The following ANKRD44 variants were observed in gnomAD, a reference collection of about 807,000 sequenced individuals.
ANKRD44 encodes the protein ankyrin repeat domain 44, also known as serine/threonine-protein phosphatase 6 regulatory ankyrin repeat subunit B.
Under a neutral mutation model 116.0 loss-of-function variants are expected in ANKRD44, and 35 were observed. The ratio of observed to expected loss-of-function variants is 0.30; its 90% CI spans 0.23 to 0.40. The LOEUF is 0.40. Among genes scored for constraint, ANKRD44 ranks in the 10% least tolerant of loss-of-function variants. ANKRD44 has a pLI of 1.00. For missense variants in ANKRD44, 1,014 were observed against 1,242.6 expected, an observed-to-expected ratio of 0.82 and a Z score of 2.77; for synonymous variants, 435 against 461.8, an observed-to-expected ratio of 0.94 and a Z score of 0.74.
At chr2:197,301,440 C>T (rs977834369) in intron 1 of ANKRD44, 4 of 152,206 alleles carry the variant, frequency 2.6e-5, no homozygotes, top group African/African-American at 9.7e-5. Flanking sequence ...CTGAGAATTA[C>T]CTACGACTGA....
chr2:197,195,642 T>C (rs974843001), intron 1 of ANKRD44, among the ~76,000 whole-genome samples: 3 of 152,226 alleles, frequency 2.0e-5, no homozygotes, highest in Non-Finnish European at 4.4e-5. Flanking sequence ...GAAACACTAA[T>C]GTTTCCAGGT....
chr2:197,108,785 C>A (rs2078494899), intron 9 of ANKRD44, among the ~76,000 whole-genome samples: 1 of 152,080 alleles, frequency 6.6e-6, no homozygotes, highest in African/African-American at 2.4e-5. Context: ...TTGCAGTGAG[C>A]TGAGATCACC....
At chr2:197,222,769 C>A (rs1404283179) in intron 1 of ANKRD44, among the ~76,000 whole-genome samples, 3 of 152,034 alleles carry the variant, frequency 2.0e-5, no homozygotes, top group African/African-American at 7.2e-5. Flanking sequence ...AAAACTACAA[C>A]AGAGTTTCAA....
intron 16 of ANKRD44, among the ~76,000 whole-genome samples, chr2:197,070,313 T>TA (rs2077532398): frequency 6.6e-6 from 1 of 152,206 alleles, no homozygotes; most frequent in African/African-American, 2.4e-5. Flanking sequence ...ATCCTTGACT[T>TA]AGTCTTTTAC....
At chr2:197,216,049 C>T (rs1428155564) in intron 1 of ANKRD44, among the ~76,000 whole-genome samples, 3 of 152,190 alleles carry the variant, frequency 2.0e-5, no homozygotes, top group Non-Finnish European at 4.4e-5. Flanking sequence ...AGGACTTGCT[C>T]TGCCCCTTGC....
intron 16 of ANKRD44, among the ~76,000 whole-genome samples, chr2:197,055,361 G>T (rs79584735): frequency 6.6e-6 from 1 of 152,016 alleles, no homozygotes; most frequent in African/African-American, 2.4e-5. Context: ...CTGGATACAA[G>T]ACCTTTTTCA....
chr2:197,182,882 G>A (rs2080545654), intron 2 of ANKRD44, among the ~76,000 whole-genome samples: 1 of 152,232 alleles, frequency 6.6e-6, no homozygotes, highest in South Asian at 2.1e-4. Flanking sequence ...GATTAATGCA[G>A]TACAAAGAGC....
chr2:197,258,674 C>T (rs2082519062), intron 1 of ANKRD44, among the ~76,000 whole-genome samples: 1 of 152,160 alleles, frequency 6.6e-6, no homozygotes, highest in South Asian at 2.1e-4. Flanking sequence ...CACGGTTTTT[C>T]ATGGCAGCTG....
chr2:197,292,479 T>C (rs1348311965), intron 1 of ANKRD44, among the ~76,000 whole-genome samples: 1 of 152,228 alleles, frequency 6.6e-6, no homozygotes, highest in Non-Finnish European at 1.5e-5. Context: ...CAAATCACAA[T>C]AGTGTTTAAA....
intron 1 of ANKRD44, among the ~76,000 whole-genome samples, chr2:197,270,420 C>T (rs2564391): frequency 0.76 from 114,879 of 151,950 alleles, 43,618 homozygotes; most frequent in East Asian, 0.87. Context: ...CCCACAGTTT[C>T]CAGCTTGAAC....
chr2:197,040,018 G>A (rs965608100), intron 16 of ANKRD44, among the ~76,000 whole-genome samples: 2 of 151,840 alleles, frequency 1.3e-5, no homozygotes, highest in African/African-American at 4.8e-5. Context: ...CACGAAGTCA[G>A]GAGTTTGAGG....
intron 17 of ANKRD44, chr2:197,015,432 T>C: frequency 3.8e-6 from 2 of 528,842 alleles, no homozygotes; most frequent in South Asian, 2.0e-5. Context: ...TTGATAAAAC[T>C]GTCATTCAGA....
At chr2:197,099,999 A>G in intron 9 of ANKRD44, 69 bp from the exon 10 acceptor site, 2 of 1,364,744 alleles carry the variant, frequency 1.5e-6, no homozygotes, top group South Asian at 1.2e-5. Context: ...GTTCTCTGCT[A>G]GTCTCTCGTA....
chr2:197,079,995 G>A lies in ANKRD44; in HGVS notation c.1539-1181C>T, dbSNP rs545454243. ...AGAGTCTTGCTATTATTCTCTCTTC[G>A]GTCATTTGCACCTTATAAGGAAGGA... On this transcript the variant is annotated intron_variant, in intron 15 of 27. Transcript: ENST00000282272. Among the ~76,000 whole-genome samples the A allele has an allele frequency of 5.4e-4, 82 of 151,854 alleles. 1 individual carries two copies. The highest frequency in any genetic ancestry group is 1.7e-3 in the African/African-American group (69 of 41,374).
chr2:197,279,857 A>G (rs535217097), intron 1 of ANKRD44, among the ~76,000 whole-genome samples: 100 of 151,968 alleles, frequency 6.6e-4, no homozygotes, highest in Non-Finnish European at 1.3e-3. Flanking sequence ...TTCCCACCCC[A>G]CCCAGTTGGA....
chr2:197,242,463 G>A (rs1156377106), intron 1 of ANKRD44, among the ~76,000 whole-genome samples: 2 of 152,142 alleles, frequency 1.3e-5, no homozygotes, highest in African/African-American at 4.8e-5. Flanking sequence ...AGAGACAGGA[G>A]GAGCCAGACA....
rs766053535 is a variant in ANKRD44, at chr2:196,971,799, TC to T, written c.2369-4354del. ...CCTGGCCCTCCTCCAGTTCAGGCTC[TC>T]CCCATGGGGCAAGGAGTCTGTGAGC... On this transcript the variant is annotated intron_variant, in intron 21 of 21. Transcript: ENST00000424317. Among the ~76,000 whole-genome samples the T allele has an allele frequency of 9.2e-5, 14 of 152,278 alleles. No homozygotes were observed. The South Asian group carries it at 1.0e-3, about 11-fold the overall frequency.
rs78994168 is a variant in ANKRD44, at chr2:196,971,810, C to T, written c.2369-4364G>A. 3.6e-3 allele frequency among the ~76,000 whole-genome samples: 544 copies of T among 152,260 alleles called. 3 individuals are homozygous for T. Among genetic ancestry groups the T allele is most frequent in the African/African-American group, 0.013 (524 of 41,546 alleles). ...TCCAGTTCAGGCTCTCCCCATGGGGCAAGGAGTCTGTGAGCCAAAGGGGAT... is the reference window on the plus strand; with the variant it reads ...TCCAGTTCAGGCTCTCCCCATGGGGTAAGGAGTCTGTGAGCCAAAGGGGAT... On this transcript the variant is annotated intron_variant, in intron 21 of 21. Coordinates refer to the ANKRD44 transcript ENST00000424317.
chr2:197,256,853 G>A (rs2082461372), intron 1 of ANKRD44, among the ~76,000 whole-genome samples: 1 of 152,144 alleles, frequency 6.6e-6, no homozygotes, highest in Non-Finnish European at 1.5e-5. Flanking sequence ...TGTACTCCCA[G>A]TAAATTGTAA....
Sources: gnomAD v4.1 joint callset for allele counts (sites outside exome capture counted in the v4.1 genomes callset) on GRCh38, gnomAD v4.1.1 for gene constraint, MANE v1.5 for transcripts, NCBI Gene and HGNC (gene_info 2026-07-23, HGNC 2026-07-21) for gene names.